The following LCLAT1 variants were observed in gnomAD, a reference collection of about 807,000 sequenced individuals.
LCLAT1 encodes 1-AGP acyltransferase 8.
A neutral mutation model predicts 30.7 loss-of-function variants in LCLAT1; 11 were observed. That is an observed-to-expected ratio of 0.36 (90% CI 0.23 to 0.59). The LOEUF (loss-of-function observed/expected upper bound fraction) is 0.59, where lower values mean the gene tolerates loss of function less well. LCLAT1 is among the 20% of genes least tolerant of loss of function. The probability of loss-of-function intolerance (pLI) is 0.77; values close to 1 mark genes in which losing one functional copy is unlikely to be tolerated. For missense variants in LCLAT1, 402 were observed against 458.6 expected (o/e 0.88, Z 1.13); for synonymous variants, 155 against 151.3 (o/e 1.02, Z -0.18).
At chr2:30,449,609 T>C (rs1254880311) in intron 1 of LCLAT1, among the ~76,000 whole-genome samples, 1 of 151,990 alleles carries the variant, frequency 6.6e-6, no homozygotes, top group East Asian at 1.9e-4. Flanking sequence ...CAAGCGATTC[T>C]CCTGCCTCAG....
chr2:30,450,854 T>A (rs1662943), intron 1 of LCLAT1, among the ~76,000 whole-genome samples: 14,455 of 152,212 alleles, frequency 0.095, 732 homozygotes, highest in East Asian at 0.12. Context: ...ATTGATAAAT[T>A]TGTCTTCAGA....
chr2:30,633,595 G>A (rs1184030854), intron 5 of LCLAT1, among the ~76,000 whole-genome samples: 1 of 152,170 alleles, frequency 6.6e-6, no homozygotes, highest in East Asian at 1.9e-4. Context: ...TGAGGCAGGA[G>A]AATTGCTTGA....
At chr2:30,533,957 A>T (rs1463118384) in intron 3 of LCLAT1, among the ~76,000 whole-genome samples, 2 of 152,152 alleles carry the variant, frequency 1.3e-5, no homozygotes, top group Non-Finnish European at 2.9e-5. Flanking sequence ...TGAAAAAGGG[A>T]GGGGAAAGAT....
intron 1 of LCLAT1, among the ~76,000 whole-genome samples, chr2:30,479,936 A>G (rs1193454432): frequency 2.0e-5 from 3 of 152,244 alleles, no homozygotes; most frequent in African/African-American, 7.2e-5. Context: ...TCTTTGCCTT[A>G]GTGATTGTAT....
intron 3 of LCLAT1, among the ~76,000 whole-genome samples, chr2:30,535,401 T>C (rs1686195440): frequency 6.6e-6 from 1 of 152,172 alleles, no homozygotes; most frequent in Non-Finnish European, 1.5e-5. Context: ...TCCCTTCTAA[T>C]GGTAGAGCAT....
intron 5 of LCLAT1, among the ~76,000 whole-genome samples, chr2:30,613,007 G>T (rs188255191): frequency 2.6e-5 from 4 of 152,276 alleles, no homozygotes; most frequent in African/African-American, 9.6e-5. Flanking sequence ...GACTGAAGTA[G>T]GGTAGTCAGG....
intron 5 of LCLAT1, among the ~76,000 whole-genome samples, chr2:30,586,457 C>T (rs762479499): frequency 1.3e-5 from 2 of 152,128 alleles, no homozygotes; most frequent in Admixed American, 1.3e-4. Context: ...TTTGTATGGC[C>T]TTCTGCCCTG....
intron 1 of LCLAT1, among the ~76,000 whole-genome samples, chr2:30,475,411 T>G (rs758309013): frequency 1.3e-5 from 2 of 152,208 alleles, no homozygotes; most frequent in Non-Finnish European, 2.9e-5. Flanking sequence ...TGGTATTATA[T>G]GCTTTTTTTA....
intron 3 of LCLAT1, among the ~76,000 whole-genome samples, chr2:30,551,346 T>C (rs1664670357): frequency 6.6e-6 from 1 of 152,224 alleles, no homozygotes. Context: ...CCTTTTGACA[T>C]ACTACCATCT....
At chr2:30,468,799 T>A (rs1682614590) in intron 1 of LCLAT1, among the ~76,000 whole-genome samples, 1 of 152,248 alleles carries the variant, frequency 6.6e-6, no homozygotes, top group Non-Finnish European at 1.5e-5. Flanking sequence ...CTTTTGTGTC[T>A]TCTTCACTTA....
chr2:30,562,067 A>C, intron 3 of LCLAT1, 79 bp from the exon 4 acceptor site: 1 of 998,764 alleles, frequency 1.0e-6, no homozygotes. Flanking sequence ...AAAACCAGAA[A>C]ACTGAAATAT....
chr2:30,604,057 ATATAAC>A (rs1667312241), intron 5 of LCLAT1, among the ~76,000 whole-genome samples: 1 of 148,248 alleles, frequency 6.7e-6, no homozygotes, highest in South Asian at 2.1e-4. Context: ...AAGAATTATG[ATATAAC>A]TATATTTGGA....
chr2:30,513,411 TAAA>T (rs1434413373), intron 1 of LCLAT1, among the ~76,000 whole-genome samples: 4 of 152,096 alleles, frequency 2.6e-5, no homozygotes, highest in Non-Finnish European at 4.4e-5. Flanking sequence ...GTTACTAGAG[TAAA>T]AAATGCAAGA....
intron 5 of LCLAT1, among the ~76,000 whole-genome samples, chr2:30,633,427 G>A (rs1309343826): frequency 6.6e-6 from 1 of 152,090 alleles, no homozygotes; most frequent in Non-Finnish European, 1.5e-5. Context: ...AGTGGCTCAC[G>A]CCTGTAATCT....
intron 5 of LCLAT1, among the ~76,000 whole-genome samples, chr2:30,575,893 T>G (rs1189444685): frequency 6.6e-6 from 1 of 152,148 alleles, no homozygotes; most frequent in African/African-American, 2.4e-5. Context: ...AATTTTGCCC[T>G]GGGTTTATTA....
chr2:30,625,505 A>G (rs1240557669), intron 5 of LCLAT1, among the ~76,000 whole-genome samples: 1 of 152,102 alleles, frequency 6.6e-6, no homozygotes, highest in Non-Finnish European at 1.5e-5. Context: ...CTTGCCCCCT[A>G]CCTCACTGAT....
chr2:30,565,237 C>T (rs937431787), intron 4 of LCLAT1, among the ~76,000 whole-genome samples: 2 of 152,018 alleles, frequency 1.3e-5, no homozygotes, highest in Non-Finnish European at 2.9e-5. Context: ...GGTAGGGTGG[C>T]AGAGTGGAGA....
intron 3 of LCLAT1, among the ~76,000 whole-genome samples, chr2:30,549,389 C>A (rs185667993): frequency 6.6e-6 from 1 of 152,240 alleles, no homozygotes; most frequent in East Asian, 1.9e-4. Flanking sequence ...CTTAGGTCTG[C>A]TGAAAATTGA....
chr2:30,588,500 G>C (rs1666540590), intron 5 of LCLAT1, among the ~76,000 whole-genome samples: 1 of 152,194 alleles, frequency 6.6e-6, no homozygotes, highest in Non-Finnish European at 1.5e-5. Flanking sequence ...TTAGGAGCCA[G>C]AATTCCTAAC....
Sources: gnomAD v4.1 joint callset for allele counts (sites outside exome capture counted in the v4.1 genomes callset) on GRCh38, gnomAD v4.1.1 for gene constraint, MANE v1.5 for transcripts, NCBI Gene and HGNC (gene_info 2026-07-23, HGNC 2026-07-21) for gene names.